The following EVA1C variants were observed in gnomAD, a reference collection of about 807,000 sequenced individuals.
EVA1C encodes the protein eva-1 homolog C.
Under a neutral mutation model 45.4 loss-of-function variants are expected in EVA1C, and 25 were observed. That is an observed-to-expected ratio of 0.55 (90% CI 0.40 to 0.77). The LOEUF is 0.77. Ranked by LOEUF, EVA1C falls within the 30% of genes least tolerant of loss-of-function variation. The pLI is 0.00. For missense variants in EVA1C, 479 were observed against 554.8 expected, an observed-to-expected ratio of 0.86 and a Z score of 1.37; for synonymous variants, 190 against 221.2, an observed-to-expected ratio of 0.86 and a Z score of 1.25.
At chr21:32,435,320 C>T (rs1376992374) in intron 1 of EVA1C, among the ~76,000 whole-genome samples, 1 of 152,142 alleles carries the variant, frequency 6.6e-6, no homozygotes, top group South Asian at 2.1e-4. Flanking sequence ...TCCTGAGTAG[C>T]TGGGATTACA....
chr21:32,492,962 TTGA>T (rs1398371330), intron 4 of EVA1C, among the ~76,000 whole-genome samples: 1 of 152,002 alleles, frequency 6.6e-6, no homozygotes, highest in Non-Finnish European at 1.5e-5. Flanking sequence ...AGCCACAAAA[TTGA>T]TGTGTGTGTG....
chr21:32,499,357 C>T (rs939611276), intron 5 of EVA1C, among the ~76,000 whole-genome samples: 10 of 152,308 alleles, frequency 6.6e-5, no homozygotes, highest in Non-Finnish European at 1.5e-4. Flanking sequence ...TCCGGAGCTG[C>T]CAGGGTCCCA....
intron 1 of EVA1C, chr21:32,428,795 T>C (rs2034585355): frequency 6.6e-6 from 1 of 152,228 alleles, no homozygotes; most frequent in South Asian, 2.1e-4. Context: ...CAGTGTTGAC[T>C]ATTAAGTTGT....
At chr21:32,508,793 G>A (rs2037856663) in intron 7 of EVA1C, among the ~76,000 whole-genome samples, 1 of 152,194 alleles carries the variant, frequency 6.6e-6, no homozygotes, top group South Asian at 2.1e-4. Context: ...ATGAGCTGGA[G>A]CGTGCATTTG....
At chr21:32,416,206 T>C (rs1163536848) in intron 1 of EVA1C, among the ~76,000 whole-genome samples, 2 of 149,968 alleles carry the variant, frequency 1.3e-5, no homozygotes, top group Admixed American at 6.7e-5. Context: ...ACTTACTGTT[T>C]TGTGTGTGTG....
intron 4 of EVA1C, among the ~76,000 whole-genome samples, chr21:32,479,440 C>CA (rs2036697701): frequency 6.6e-6 from 1 of 151,886 alleles, no homozygotes; most frequent in Admixed American, 6.6e-5. Context: ...CCCAACCCCC[C>CA]AGAAAAAAGA....
At chr21:32,483,474 C>A (rs991318606) in intron 4 of EVA1C, among the ~76,000 whole-genome samples, 2 of 152,152 alleles carry the variant, frequency 1.3e-5, no homozygotes, top group African/African-American at 4.8e-5. Context: ...GTAGCTCCAG[C>A]AAGCCACTCC....
At chr21:32,444,622 T>C (rs1439307596) in intron 1 of EVA1C, among the ~76,000 whole-genome samples, 1 of 152,198 alleles carries the variant, frequency 6.6e-6, no homozygotes, top group African/African-American at 2.4e-5. Context: ...TGGATTTTTA[T>C]AGAAGCATCA....
At chr21:32,510,043 CTTTTTTTTTTTTTT>C (rs58017017) in intron 7 of EVA1C, among the ~76,000 whole-genome samples, 1 of 114,532 alleles carries the variant, frequency 8.7e-6, no homozygotes, top group Non-Finnish European at 1.7e-5. Context: ...TCCGACATTC[CTTTTTTTTTTTTTT>C]TTTTTTTGAA....
chr21:32,502,025 TTTC>T, intron 6 of EVA1C, among the ~76,000 whole-genome samples: 2 of 139,476 alleles, frequency 1.4e-5, no homozygotes, highest in East Asian at 2.1e-4. Flanking sequence ...TCTTTCTTTC[TTTC>T]TTTCTTTCTT....
At chr21:32,482,136 C>T (rs1373199502) in intron 4 of EVA1C, among the ~76,000 whole-genome samples, 3 of 152,132 alleles carry the variant, frequency 2.0e-5, no homozygotes, top group Non-Finnish European at 2.9e-5. Context: ...TTTCTTTGTC[C>T]GAGTGAGGAA....
At position 32,515,025 on chromosome 21, in the gene EVA1C, A is replaced by G. The variant is rs1389853768; in HGVS notation, c.1161A>G (p.Pro387=). The part of the protein sequence containing the change: ...EEEDPSESDF[P]GELSGFCRTS... ...AGGACCCCTCTGAGTCTGATTTCCC[A>G]GGGGAACTGTCGGGGTTCTGTAGGA... Residue 387 remains proline (P), a synonymous_variant, in exon 8 of 8, where the codon CCA becomes CCG. Transcript: ENST00000300255. The G allele has an allele frequency of 3.5e-5, 57 of 1,614,066 alleles. No homozygotes were observed. The highest frequency in any genetic ancestry group is 4.8e-5 in the Non-Finnish European group (57 of 1,180,024).
At chr21:32,513,373 G>C (rs999696910) in intron 7 of EVA1C, among the ~76,000 whole-genome samples, 1 of 148,324 alleles carries the variant, frequency 6.7e-6, no homozygotes, top group Non-Finnish European at 1.5e-5. Context: ...GTACAGACGG[G>C]GTTTCACCAT....
At chr21:32,488,105 T>G (rs1314811992) in intron 4 of EVA1C, among the ~76,000 whole-genome samples, 1 of 152,112 alleles carries the variant, frequency 6.6e-6, no homozygotes, top group Non-Finnish European at 1.5e-5. Context: ...CAAGAAAATA[T>G]TCTCAAACCT....
chr21:32,500,152 T>C (rs1374149728), intron 5 of EVA1C, among the ~76,000 whole-genome samples: 1 of 150,352 alleles, frequency 6.7e-6, no homozygotes, highest in African/African-American at 2.4e-5. Context: ...TTTGCTTTAC[T>C]AAGTCCAGGG....
At chr21:32,469,043 C>A (rs2036282635) in intron 4 of EVA1C, among the ~76,000 whole-genome samples, 2 of 152,186 alleles carry the variant, frequency 1.3e-5, no homozygotes, top group African/African-American at 4.8e-5. Flanking sequence ...CCTCCACATT[C>A]CTGAATCCCT....
At chr21:32,436,991 C>G (rs868813067) in intron 1 of EVA1C, among the ~76,000 whole-genome samples, 30 of 152,098 alleles carry the variant, frequency 2.0e-4, no homozygotes, top group African/African-American at 7.0e-4. Flanking sequence ...GAAACCCACT[C>G]TCTACTAAAA....
intron 1 of EVA1C, among the ~76,000 whole-genome samples, chr21:32,414,529 A>G (rs2033960819): frequency 6.6e-6 from 1 of 152,212 alleles, no homozygotes; most frequent in Non-Finnish European, 1.5e-5. Flanking sequence ...CACAGATTAT[A>G]GACACTTAGA....
intron 1 of EVA1C, among the ~76,000 whole-genome samples, chr21:32,445,007 C>T (rs2035315403): frequency 6.6e-6 from 1 of 152,124 alleles, no homozygotes; most frequent in Non-Finnish European, 1.5e-5. Flanking sequence ...ATGACCAAGG[C>T]AAGTTGTAAT....
Sources: allele counts gnomAD v4.1 joint callset (sites outside exome capture counted in the v4.1 genomes callset), GRCh38; gene constraint gnomAD v4.1.1; transcripts MANE v1.5; gene names NCBI Gene and HGNC (gene_info 2026-07-23, HGNC 2026-07-21).